MDN1: variants seen among roughly 807,000 people sequenced by gnomAD.
MDN1 encodes midasin AAA ATPase 1.
In MDN1, 266 loss-of-function variants were observed where a neutral mutation model predicts 669.2. The ratio of observed to expected loss-of-function variants is 0.40; its 90% CI spans 0.36 to 0.44. The LOEUF (loss-of-function observed/expected upper bound fraction) is 0.44. Among genes scored for constraint, MDN1 ranks in the 20% least tolerant of loss-of-function variants. MDN1 has a pLI of 1.00. For missense variants in MDN1, 5,940 were observed against 6,754.0 expected (o/e 0.88, Z 4.22); for synonymous variants, 2,385 against 2,457.1 (o/e 0.97, Z 0.87).
chr6:89,796,329 AAAAAAAAAAAAAAAAAAAAAAC>A (rs1245228326), intron 2 of MDN1, among the ~76,000 whole-genome samples: 4 of 99,028 alleles, frequency 4.0e-5, no homozygotes, highest in South Asian at 4.4e-4. Context: ...TGTCTCAAAA[AAAAAAAAAAAAAAAAAAAAAAC>A]AAAAAAAAAA....
chr6:89,653,345 C>G (rs1287892567), intron 93 of MDN1, among the ~76,000 whole-genome samples, 190 bp from the exon 94 acceptor site: 1 of 152,164 alleles, frequency 6.6e-6, no homozygotes, highest in Non-Finnish European at 1.5e-5. Context: ...TCTCTAAACT[C>G]CCCTCCTCCT....
intron 33 of MDN1, among the ~76,000 whole-genome samples, chr6:89,733,138 A>G (rs1815710290): frequency 6.6e-6 from 1 of 152,178 alleles, no homozygotes; most frequent in Non-Finnish European, 1.5e-5. Context: ...GTTATATCTT[A>G]TAATTTTACT....
chr6:89,789,977 A>G, intron 6 of MDN1, 66 bp from the exon 7 acceptor site: 1 of 1,591,972 alleles, frequency 6.3e-7, no homozygotes. Context: ...ACATCCTTTG[A>G]TTAACTGTTA....
chr6:89,804,330 C>A (rs971025977), intron 1 of MDN1, among the ~76,000 whole-genome samples: 1 of 152,052 alleles, frequency 6.6e-6, no homozygotes, highest in East Asian at 1.9e-4. Context: ...TATAAAATAT[C>A]GTGGAAATTT....
At position 89,715,789 on chromosome 6, in the gene MDN1, A is replaced by T. The variant is rs369656751; in HGVS notation, c.6744-20T>A. On this transcript the variant is annotated intron_variant, in intron 44 of 101. Coordinates refer to ENST00000369393, the MANE Select transcript of MDN1 (RefSeq NM_014611.3). Reference sequence around the variant, plus strand: ...GATGGGCTGCAGAGACAGAATTCAGATGGTGGATAGGCTGACATGCTGCAT... The same window carrying T: ...GATGGGCTGCAGAGACAGAATTCAGTTGGTGGATAGGCTGACATGCTGCAT... The T allele has an allele frequency of 4.0e-6, 6 of 1,500,544 alleles. No individual in the cohort carries two copies. The African/African-American group carries it at 8.3e-5, about 21-fold the overall frequency. The allele number at this position is 1,500,544 out of a possible 1,614,324, so 93.0% of individuals were successfully genotyped here. A position where few individuals can be genotyped will look rare whatever the true frequency, so the allele number is the denominator to read the frequency against.
intron 35 of MDN1, 58 bp from the exon 36 acceptor site, chr6:89,729,197 G>A: frequency 1.5e-6 from 2 of 1,372,788 alleles, no homozygotes; most frequent in Non-Finnish European, 2.0e-6. Context: ...TCACATGTAT[G>A]CATCAACTCA....
intron 93 of MDN1, 114 bp downstream of exon 93, chr6:89,654,050 T>C: frequency 8.1e-7 from 1 of 1,230,340 alleles, no homozygotes; most frequent in Admixed American, 2.4e-5. Flanking sequence ...AATTCATTCA[T>C]CTAAGCCATG....
chr6:89,745,651 G>A (rs1448942857), intron 27 of MDN1, 25 bp from the exon 28 acceptor site: 1 of 1,607,514 alleles, frequency 6.2e-7, no homozygotes, highest in African/African-American at 1.3e-5. Flanking sequence ...AGGAAAAGGA[G>A]GAGAGGAATC....
At chr6:89,784,455 C>T (rs1193992418) in intron 9 of MDN1, among the ~76,000 whole-genome samples, 1 of 152,162 alleles carries the variant, frequency 6.6e-6, no homozygotes, top group Admixed American at 6.5e-5. Context: ...TGCCACTCTC[C>T]TAGATAAAGC....
At chr6:89,787,012 G>C (rs2128325761) in intron 8 of MDN1, among the ~76,000 whole-genome samples, 1 of 151,698 alleles carries the variant, frequency 6.6e-6, no homozygotes, top group Non-Finnish European at 1.5e-5. Flanking sequence ...AGGCTGTGCT[G>C]GGAAGACTGC....
At chr6:89,648,192 T>C (rs1324607974) in intron 98 of MDN1, 46 bp from the exon 99 acceptor site, 1 of 1,607,936 alleles carries the variant, frequency 6.2e-7, no homozygotes, top group African/African-American at 1.3e-5. Flanking sequence ...TTTTTGGCTG[T>C]GTGATCAAAA....
intron 35 of MDN1, 123 bp from the exon 36 acceptor site, chr6:89,729,262 G>A (rs1815423542): frequency 2.7e-6 from 2 of 732,854 alleles, no homozygotes; most frequent in Non-Finnish European, 4.4e-6. Context: ...CATTTGCAGT[G>A]AAAATGTTCA....
At chr6:89,699,429 A>G (rs757485716) in intron 58 of MDN1, among the ~76,000 whole-genome samples, 172 bp downstream of exon 58, 1 of 152,234 alleles carries the variant, frequency 6.6e-6, no homozygotes, top group Non-Finnish European at 1.5e-5. Context: ...TACCCTCATA[A>G]TTACTATAAA....
At chr6:89,653,350 C>G (rs1488633519) in intron 93 of MDN1, among the ~76,000 whole-genome samples, 195 bp from the exon 94 acceptor site, 2 of 152,218 alleles carry the variant, frequency 1.3e-5, no homozygotes, top group African/African-American at 4.8e-5. Context: ...AAACTCCCCT[C>G]CTCCTCACCT....
rs1158986700 is a variant in MDN1, at chr6:89,789,794, C to T, written c.1216G>A (p.Ala406Thr). The T allele has an allele frequency of 1.2e-6, 2 of 1,610,944 alleles. No homozygotes were observed. The highest frequency in any genetic ancestry group is 8.5e-7 in the Non-Finnish European group (1 of 1,179,040). The change falls in exon 7 of 102, where the codon GCC (alanine) becomes ACC (threonine). Residue 406 changes from alanine (A) to threonine (T), a missense_variant. Transcript: ENST00000369393. Reference sequence around the variant, plus strand: ...AGATGACATACCACGTCTAAGGGGGCATAGTCAATATCCTCCAGAAGGATC... The same window carrying T: ...AGATGACATACCACGTCTAAGGGGGTATAGTCAATATCCTCCAGAAGGATC... ...HWILLEDIDY[A>T]PLDVVSVLIP...
At chr6:89,752,086 AG>A (rs1231391548) in intron 22 of MDN1, among the ~76,000 whole-genome samples, 2 of 152,196 alleles carry the variant, frequency 1.3e-5, no homozygotes, top group East Asian at 3.8e-4. Context: ...TTAAGTTATT[AG>A]TTTCGATTAT....
rs755555633 is a variant in MDN1 at position 89,700,687 on chromosome 6, C to T, written c.8597G>A (p.Gly2866Glu). The T allele has an allele frequency of 8.1e-6, 13 of 1,614,184 alleles. No individual in the cohort carries two copies. Among genetic ancestry groups the T allele is most frequent in the African/African-American group, 1.3e-5 (1 of 75,042 alleles). Residue 2866 changes from glycine (G) to glutamate (E), a missense_variant, in exon 56 of 102, where the codon GGA becomes GAA. Transcript: ENST00000369393. ...CAAAATATTTGCTCTGAGGATCAGTCCCCAGGCTTGCAGGAGACTTTTCTT... is the reference window on the plus strand; with the variant it reads ...CAAAATATTTGCTCTGAGGATCAGTTCCCAGGCTTGCAGGAGACTTTTCTT... ...TLKKSLLQAWGLILRANILED... is the reference protein window; with the variant it reads ...TLKKSLLQAWELILRANILED...
intron 9 of MDN1, 94 bp from the exon 10 acceptor site, chr6:89,781,686 G>A (rs1229332058): frequency 6.2e-6 from 7 of 1,120,358 alleles, no homozygotes; most frequent in South Asian, 1.6e-5. Flanking sequence ...GCCAAAAATT[G>A]TATTTCTCTA....
chr6:89,647,781 C>T (rs925367300), intron 99 of MDN1, among the ~76,000 whole-genome samples: 1 of 151,978 alleles, frequency 6.6e-6, no homozygotes, highest in African/African-American at 2.4e-5. Context: ...AAAGTGAGAC[C>T]CTGTCCCTAC....
Sources: allele counts gnomAD v4.1 joint callset (sites outside exome capture counted in the v4.1 genomes callset), GRCh38; gene constraint gnomAD v4.1.1; transcripts MANE v1.5; gene names NCBI Gene and HGNC (gene_info 2026-07-23, HGNC 2026-07-21).